Variants in GALNT17 observed in about 807,000 individuals in gnomAD.
GALNT17 encodes polypeptide N-acetylgalactosaminyltransferase 17, also known as UDP-GalNAc:polypeptide N-acetylgalactosaminyltransferase-like 3.
A neutral mutation model predicts 63.7 loss-of-function variants in GALNT17; 29 were observed. The observed-to-expected ratio is 0.46, with a 90% CI of 0.34 to 0.62. GALNT17 has a LOEUF of 0.62. GALNT17 is among the 20% of genes least tolerant of loss of function. The pLI is 0.01. For synonymous variants in GALNT17, 305 were observed against 318.3 expected (o/e 0.96, Z 0.45); for missense variants, 603 against 799.6 (o/e 0.75, Z 2.97).
chr7:71,408,197 G>A (rs1367430815), intron 3 of GALNT17, among the ~76,000 whole-genome samples: 1 of 152,096 alleles, frequency 6.6e-6, no homozygotes, highest in Non-Finnish European at 1.5e-5. Context: ...CTCGGAACCT[G>A]CATTTTCATA....
rs144199780 is a variant in GALNT17 at position 71,392,062 on chromosome 7, C to G, written c.589+3661C>G. ...CCCCCATGACCCAAACATTTCCCAC[C>G]AGGCCTCACCTCCAACATTGGGGGT... On this transcript the variant is annotated intron_variant, in intron 3 of 10. Transcript: ENST00000333538. 4.9e-3 allele frequency among the ~76,000 whole-genome samples: 747 copies of G among 152,228 alleles called. 8 individuals are homozygous for G. Among genetic ancestry groups the G allele is most frequent in the African/African-American group, 0.016 (665 of 41,506 alleles).
chr7:71,457,578 C>G (rs1037008512), intron 5 of GALNT17, among the ~76,000 whole-genome samples: 1 of 152,176 alleles, frequency 6.6e-6, no homozygotes, highest in Non-Finnish European at 1.5e-5. Context: ...ATATGCTAAA[C>G]AAGGGGTGGA....
chr7:71,478,531 G>C (rs1015248261), intron 5 of GALNT17, among the ~76,000 whole-genome samples: 6 of 152,042 alleles, frequency 3.9e-5, no homozygotes, highest in Non-Finnish European at 7.4e-5. Flanking sequence ...GCCCAAGCTG[G>C]TCTCAAACTC....
At chr7:71,271,756 C>T (rs919571932) in intron 1 of GALNT17, among the ~76,000 whole-genome samples, 2 of 152,064 alleles carry the variant, frequency 1.3e-5, no homozygotes, top group Admixed American at 1.3e-4. Context: ...CTAATTCTTC[C>T]TGTCTTTTTT....
At chr7:71,710,641 G>T in intron 9 of GALNT17, 120 bp from the exon 10 acceptor site, 2 of 1,160,530 alleles carry the variant, frequency 1.7e-6, no homozygotes, top group Non-Finnish European at 2.5e-6. Context: ...TGGGATGGTG[G>T]CCAGGACTGC....
intron 9 of GALNT17, among the ~76,000 whole-genome samples, chr7:71,698,941 G>C (rs2117108530): frequency 6.6e-6 from 1 of 152,032 alleles, no homozygotes; most frequent in African/African-American, 2.4e-5. Context: ...AGAGGCCGAG[G>C]GGGGCAGATT....
At chr7:71,581,283 C>T (rs577835329) in intron 6 of GALNT17, among the ~76,000 whole-genome samples, 19 of 152,238 alleles carry the variant, frequency 1.2e-4, no homozygotes, top group African/African-American at 4.6e-4. Flanking sequence ...CCTCAGCCTC[C>T]CAAGTAGCTG....
chr7:71,250,990 A>G (rs1790187181), intron 1 of GALNT17, among the ~76,000 whole-genome samples: 2 of 152,362 alleles, frequency 1.3e-5, no homozygotes, highest in Admixed American at 1.3e-4. Flanking sequence ...AGGTGAAAGC[A>G]TAAGCATTTC....
chr7:71,218,418 G>A (rs757408458), intron 1 of GALNT17, among the ~76,000 whole-genome samples: 1 of 152,156 alleles, frequency 6.6e-6, no homozygotes, highest in Non-Finnish European at 1.5e-5. Flanking sequence ...GCTGGCCCCA[G>A]GACAGCTGCA....
intron 6 of GALNT17, among the ~76,000 whole-genome samples, chr7:71,588,973 C>T (rs1348079420): frequency 2.0e-5 from 3 of 152,136 alleles, no homozygotes; most frequent in African/African-American, 4.8e-5. Flanking sequence ...GGACACATAG[C>T]CCACATAAGG....
intron 5 of GALNT17, among the ~76,000 whole-genome samples, chr7:71,496,796 G>A (rs1434844399): frequency 1.3e-5 from 2 of 152,098 alleles, no homozygotes; most frequent in Non-Finnish European, 2.9e-5. Context: ...TGGGGAGCGG[G>A]GGGCGGAGCA....
At chr7:71,517,765 T>G (rs1747900050) in intron 5 of GALNT17, among the ~76,000 whole-genome samples, 1 of 152,216 alleles carries the variant, frequency 6.6e-6, no homozygotes, top group African/African-American at 2.4e-5. Context: ...AATAACCTTT[T>G]TTCCATGGCA....
chr7:71,548,605 G>C (rs1254786781), intron 5 of GALNT17, among the ~76,000 whole-genome samples: 1 of 152,214 alleles, frequency 6.6e-6, no homozygotes, highest in African/African-American at 2.4e-5. Context: ...TCTCTTGCCT[G>C]CCACCATGTA....
chr7:71,140,883 T>C (rs1481478350), intron 1 of GALNT17, among the ~76,000 whole-genome samples: 1 of 151,718 alleles, frequency 6.6e-6, no homozygotes, highest in Non-Finnish European at 1.5e-5. Flanking sequence ...TAGCCAGACA[T>C]TGTGGTGCAT....
chr7:71,579,340 A>G (rs971439088), intron 6 of GALNT17, among the ~76,000 whole-genome samples: 4 of 152,204 alleles, frequency 2.6e-5, no homozygotes, highest in African/African-American at 9.6e-5. Context: ...TGCCTTCTGT[A>G]GCCCAGCAGG....
chr7:71,212,543 A>G (rs12535199), intron 1 of GALNT17, among the ~76,000 whole-genome samples: 56,241 of 151,874 alleles, frequency 0.37, 10,744 homozygotes, highest in South Asian at 0.53. Flanking sequence ...CTCCAGAATG[A>G]TAGATCCACT....
chr7:71,292,634 GGAGAGA>G lies in GALNT17; in HGVS notation c.239-42903_239-42898del, dbSNP rs148278821. Among the ~76,000 whole-genome samples, 925 of 135,430 alleles carry G rather than the reference GGAGAGA, an allele frequency of 6.8e-3. 9 individuals are homozygous for G. The highest frequency in any genetic ancestry group is 0.012 in the Non-Finnish European group (765 of 62,998). 88.8% of individuals were successfully genotyped at this position (135,430 alleles called of 152,430 possible). On this transcript the variant is annotated intron_variant, in intron 1 of 10. Transcript: ENST00000333538. ...TCCACATAGGTACCATTTGGGAGAG[GGAGAGA>G]GAGAGAGAGAGACAGAGAGAGAGAG...
At chr7:71,601,416 G>A (rs928393248) in intron 6 of GALNT17, among the ~76,000 whole-genome samples, 4 of 152,148 alleles carry the variant, frequency 2.6e-5, no homozygotes, top group South Asian at 2.1e-4. Context: ...TTGGTATAAT[G>A]GATTAGTAGA....
chr7:71,316,043 G>A (rs1211876190), intron 1 of GALNT17, among the ~76,000 whole-genome samples: 2 of 152,150 alleles, frequency 1.3e-5, no homozygotes, highest in Non-Finnish European at 2.9e-5. Context: ...GTAAGGTAAT[G>A]CAACAAGCAA....
Sources: gnomAD v4.1 joint callset for allele counts (sites outside exome capture counted in the v4.1 genomes callset) on GRCh38, gnomAD v4.1.1 for gene constraint, MANE v1.5 for transcripts, NCBI Gene and HGNC (gene_info 2026-07-23, HGNC 2026-07-21) for gene names.